Variants in KSR2 observed in about 807,000 individuals in gnomAD.
KSR2 encodes the protein kinase suppressor of ras 2.
Under a neutral mutation model 107.8 loss-of-function variants are expected in KSR2, and 25 were observed. The observed-to-expected ratio is 0.23, with a 90% CI of 0.17 to 0.32. KSR2 has a LOEUF of 0.32. Ranked by LOEUF, KSR2 falls within the 10% of genes least tolerant of loss-of-function variation. The pLI is 1.00. For missense variants in KSR2, 887 were observed against 1,268.9 expected, an observed-to-expected ratio of 0.70 and a Z score of 4.57; for synonymous variants, 480 against 507.0, an observed-to-expected ratio of 0.95 and a Z score of 0.71.
intron 4 of KSR2, among the ~76,000 whole-genome samples, chr12:117,739,502 C>T (rs986433894): frequency 2.0e-5 from 3 of 152,162 alleles, no homozygotes; most frequent in Admixed American, 6.5e-5. Flanking sequence ...TTGCCCAAAA[C>T]GTCATTATGC....
intron 4 of KSR2, among the ~76,000 whole-genome samples, chr12:117,749,725 T>C (rs549556103): frequency 6.6e-6 from 1 of 152,260 alleles, no homozygotes; most frequent in South Asian, 2.1e-4. Flanking sequence ...GATAGTCCAT[T>C]TGATATTTAG....
At chr12:117,735,730 A>C (rs1042615572) in intron 4 of KSR2, among the ~76,000 whole-genome samples, 2 of 152,210 alleles carry the variant, frequency 1.3e-5, no homozygotes. Context: ...AGATAGTCAC[A>C]GAACCGTAAG....
intron 5 of KSR2, among the ~76,000 whole-genome samples, chr12:117,586,272 A>G (rs899966960): frequency 6.9e-6 from 1 of 143,944 alleles, no homozygotes; most frequent in Non-Finnish European, 1.5e-5. Context: ...AGAGGAGGAG[A>G]AGAAAGAAGA....
chr12:117,630,464 G>A (rs960479426), intron 5 of KSR2, among the ~76,000 whole-genome samples: 7 of 152,272 alleles, frequency 4.6e-5, no homozygotes, highest in Non-Finnish European at 1.0e-4. Flanking sequence ...AATGAAGCTG[G>A]AGATGTAGGC....
At chr12:117,645,689 A>T (rs78018067) in intron 5 of KSR2, among the ~76,000 whole-genome samples, 2 of 152,040 alleles carry the variant, frequency 1.3e-5, no homozygotes, top group Non-Finnish European at 2.9e-5. Context: ...GTGATGGAAC[A>T]GTGTGGCCAA....
chr12:117,644,058 T>C (rs1485184954), intron 5 of KSR2, among the ~76,000 whole-genome samples: 1 of 152,118 alleles, frequency 6.6e-6, no homozygotes, highest in African/African-American at 2.4e-5. Flanking sequence ...GGAAGCACAG[T>C]TGTGTATGTA....
intron 16 of KSR2, among the ~76,000 whole-genome samples, chr12:117,476,800 T>C (rs1334159267): frequency 2.0e-5 from 3 of 152,126 alleles, no homozygotes; most frequent in African/African-American, 7.2e-5. Flanking sequence ...ATCCAAACCA[T>C]CATCAAATTC....
chr12:117,860,491 A>G, intron 1 of KSR2, 60 bp from the exon 2 acceptor site: 3 of 1,509,852 alleles, frequency 2.0e-6, no homozygotes, highest in South Asian at 1.2e-5. Flanking sequence ...CAAGGAAGAG[A>G]GGCGAGAACC....
intron 4 of KSR2, among the ~76,000 whole-genome samples, chr12:117,671,221 G>A (rs1230774679): frequency 3.3e-5 from 5 of 151,974 alleles, no homozygotes; most frequent in East Asian, 1.9e-4. Context: ...AATTCATTTC[G>A]GCATGGGTTG....
At chr12:117,517,280 G>C (rs192065906) in intron 14 of KSR2, among the ~76,000 whole-genome samples, 2 of 152,332 alleles carry the variant, frequency 1.3e-5, no homozygotes, top group African/African-American at 4.8e-5. Flanking sequence ...AATACAAAGT[G>C]TGAATTTACA....
intron 1 of KSR2, among the ~76,000 whole-genome samples, chr12:117,921,399 T>C (rs890317239): frequency 5.9e-5 from 9 of 151,928 alleles, no homozygotes; most frequent in Admixed American, 2.0e-4. Context: ...AGTGAGATCT[T>C]ATTATAGAGA....
chr12:117,686,839 G>C lies in KSR2; in HGVS notation c.987-19181C>G, dbSNP rs148882112. Among the ~76,000 whole-genome samples, 976 of 152,188 alleles carry C rather than the reference G, an allele frequency of 6.4e-3. 11 individuals carry two copies. Among genetic ancestry groups the C allele is most frequent in the East Asian group, 0.022 (113 of 5,170 alleles). On this transcript the variant is annotated intron_variant, in intron 4 of 19. Coordinates refer to ENST00000339824, the MANE Select transcript of KSR2 (RefSeq NM_173598.6). ...GAATCCTTACAAACATGCCTAAATT[G>C]GAATATATTTCAATCTATGATTCTA...
intron 14 of KSR2, among the ~76,000 whole-genome samples, chr12:117,490,838 A>G (rs923165363): frequency 1.1e-4 from 16 of 152,356 alleles, no homozygotes; most frequent in Non-Finnish European, 1.8e-4. Context: ...GTACATATTT[A>G]TTGTGTAGCA....
At chr12:117,749,333 T>A (rs1490471581) in intron 4 of KSR2, among the ~76,000 whole-genome samples, 1 of 151,612 alleles carries the variant, frequency 6.6e-6, no homozygotes, top group Non-Finnish European at 1.5e-5. Context: ...AGTGACTTAT[T>A]TGCAGTCACA....
chr12:117,554,621 G>A (rs965606016), intron 9 of KSR2, among the ~76,000 whole-genome samples: 2 of 152,160 alleles, frequency 1.3e-5, no homozygotes, highest in Non-Finnish European at 2.9e-5. Context: ...TGGGGAATAA[G>A]CCTCACAAGA....
intron 1 of KSR2, among the ~76,000 whole-genome samples, chr12:117,935,911 C>G (rs767355536): frequency 2.6e-5 from 4 of 152,188 alleles, no homozygotes; most frequent in African/African-American, 4.8e-5. Flanking sequence ...TCCCCGGGAT[C>G]ACTCCCTCAG....
At chr12:117,718,441 G>T (rs1467653354) in intron 4 of KSR2, among the ~76,000 whole-genome samples, 1 of 152,182 alleles carries the variant, frequency 6.6e-6, no homozygotes, top group Non-Finnish European at 1.5e-5. Context: ...AATAAATACG[G>T]CTTTCAGGGT....
At chr12:117,637,535 A>G (rs1275069980) in intron 5 of KSR2, among the ~76,000 whole-genome samples, 2 of 152,156 alleles carry the variant, frequency 1.3e-5, no homozygotes, top group African/African-American at 4.8e-5. Flanking sequence ...TATTTCCAGG[A>G]GTATTTCCTA....
At chr12:117,678,649 A>G (rs920286068) in intron 4 of KSR2, among the ~76,000 whole-genome samples, 8 of 152,132 alleles carry the variant, frequency 5.3e-5, no homozygotes, top group African/African-American at 1.7e-4. Context: ...TGGTTCCCCT[A>G]TGGTCACGGG....
Sources: allele counts gnomAD v4.1 joint callset (sites outside exome capture counted in the v4.1 genomes callset), GRCh38; gene constraint gnomAD v4.1.1; transcripts MANE v1.5; gene names NCBI Gene and HGNC (gene_info 2026-07-23, HGNC 2026-07-21).